The following ENOPH1 variants were observed in gnomAD, a reference collection of about 807,000 sequenced individuals.
ENOPH1 encodes the protein enolase-phosphatase E1.
ENOPH1 carries 14 observed loss-of-function variants against 31.1 expected under a neutral mutation model. That is an observed-to-expected ratio of 0.45 (90% CI 0.30 to 0.70). The LOEUF (loss-of-function observed/expected upper bound fraction) is 0.70, where lower values mean the gene tolerates loss of function less well. Among genes scored for constraint, ENOPH1 ranks in the 30% least tolerant of loss-of-function variants. The pLI is 0.09. For synonymous variants in ENOPH1, 127 were observed against 123.2 expected, an observed-to-expected ratio of 1.03 and a Z score of -0.21; for missense variants, 243 against 321.5, an observed-to-expected ratio of 0.76 and a Z score of 1.87.
At chr4:82,443,944 C>T (rs1722109178) in intron 1 of ENOPH1, among the ~76,000 whole-genome samples, 1 of 152,002 alleles carries the variant, frequency 6.6e-6, no homozygotes, top group Admixed American at 6.6e-5. Context: ...GGTGTGATCT[C>T]AGCTCACTAC....
At position 82,451,062 on chromosome 4, in the gene ENOPH1, TG is replaced by T; in HGVS notation, c.208del (p.Asp70MetfsTer20). 2 of 1,614,036 alleles carry T rather than the reference TG, an allele frequency of 1.2e-6. No homozygotes were observed. The highest frequency in any genetic ancestry group is 1.7e-6 in the Non-Finnish European group (2 of 1,179,950). On this transcript the variant is annotated frameshift_variant, in exon 3 of 6. Transcript: ENST00000273920. LOFTEE classifies it high-confidence loss of function. Reference protein sequence around the residue: ...LRKQAEEDAHLDGAVPIPAAS... With the variant: ...LRKQAEEDAHXDGAVPIPAAS... ...TTAAAGGCTGAAGAGGACGCCCACC[TG>T]GATGGGGCTGTTCCTATCCCTGCAG...
chr4:82,452,960 G>A (rs556537512), intron 3 of ENOPH1, among the ~76,000 whole-genome samples: 45 of 144,988 alleles, frequency 3.1e-4, no homozygotes, highest in Non-Finnish European at 5.7e-4. Context: ...GGAGTGCAGT[G>A]GCGTGATCTC....
intron 1 of ENOPH1, among the ~76,000 whole-genome samples, chr4:82,431,998 C>T (rs906716745): frequency 1.2e-4 from 18 of 151,710 alleles, no homozygotes; most frequent in African/African-American, 4.4e-4. Flanking sequence ...TCACTGCAGC[C>T]TCTACCTCCT....
At chr4:82,448,078 A>G in intron 2 of ENOPH1, 57 bp downstream of exon 2, 1 of 1,211,770 alleles carries the variant, frequency 8.3e-7, no homozygotes, top group Non-Finnish European at 1.2e-6. Context: ...GTACCTGGAG[A>G]TTTAGGACAT....
intron 1 of ENOPH1, among the ~76,000 whole-genome samples, chr4:82,431,381 G>A (rs2110034292): frequency 6.6e-6 from 1 of 152,356 alleles, no homozygotes; most frequent in Admixed American, 6.5e-5. Flanking sequence ...AGGTGGCCCT[G>A]GTGTCGGGCA....
chr4:82,443,148 T>TATGTGGGG (rs1722084935), intron 1 of ENOPH1, among the ~76,000 whole-genome samples: 1 of 152,070 alleles, frequency 6.6e-6, no homozygotes, highest in Non-Finnish European at 1.5e-5. Flanking sequence ...AACATAAATT[T>TATGTGGGG]ATGTGGGGCC....
At chr4:82,452,722 G>A (rs531547064) in intron 3 of ENOPH1, among the ~76,000 whole-genome samples, 5 of 152,144 alleles carry the variant, frequency 3.3e-5, no homozygotes, top group Admixed American at 2.0e-4. Context: ...AAACAGCGGG[G>A]ACTACAGGTG....
In ENOPH1 at chr4:82,452,566, T is replaced by C. The variant is rs1208565641; in HGVS notation, c.389+1321T>C. 2.0e-5 allele frequency among the ~76,000 whole-genome samples: 3 copies of C among 152,112 alleles called. No individual in the cohort carries two copies. The East Asian group carries it at 5.8e-4, about 29-fold the overall frequency. ...TCTCAGCCTCCCAAACTGCTAGGATTACAGGTATGAGCCACCCCTCCCGGC... is the reference window on the plus strand; with the variant it reads ...TCTCAGCCTCCCAAACTGCTAGGATCACAGGTATGAGCCACCCCTCCCGGC... On this transcript the variant is annotated intron_variant, in intron 3 of 5. Transcript: ENST00000273920.
chr4:82,454,820 T>A lies in ENOPH1; in HGVS notation c.488T>A (p.Leu163Ter), dbSNP rs1355419081. The change falls in exon 4 of 6, where the codon TTA (leucine) becomes TAA (stop). Residue 163 changes from leucine (L) to a stop codon, truncating the protein, a stop_gained. Coordinates refer to ENST00000273920, the MANE Select transcript of ENOPH1 (RefSeq NM_021204.5). LOFTEE classifies it high-confidence loss of function. ...SSGSVEAQKL[L>*]FGHSTEGDIL... ...GGGAGTGTGGAGGCACAGAAACTGT[T>A]ATTCGGGCATTCTACGGAGGGAGAT... The A allele has an allele frequency of 6.2e-7, 1 of 1,613,658 alleles. No individual in the cohort carries two copies. Among genetic ancestry groups the A allele is most frequent in the East Asian group, 2.2e-5 (1 of 44,872 alleles).
chr4:82,438,527 C>T (rs1046487352), intron 1 of ENOPH1, among the ~76,000 whole-genome samples: 5 of 152,144 alleles, frequency 3.3e-5, no homozygotes, highest in Admixed American at 6.5e-5. Context: ...GTGATGTGCA[C>T]CTGTAATCCC....
At position 82,454,812 on chromosome 4, in the gene ENOPH1, G is replaced by T. The variant is rs952865336; in HGVS notation, c.480G>T (p.Gln160His). The change falls in exon 4 of 6, where the codon CAG becomes CAT. Residue 160 changes from glutamine to histidine, a missense_variant. Gln to His is a conservative substitution (Grantham distance 24). Transcript: ENST00000273920. ...YIYSSGSVEA[Q>H]KLLFGHSTEG... ...ATTCCTCAGGGAGTGTGGAGGCACA[G>T]AAACTGTTATTCGGGCATTCTACGG... The T allele has an allele frequency of 6.2e-7, 1 of 1,613,824 alleles. No homozygotes were observed. Among genetic ancestry groups the T allele is most frequent in the Non-Finnish European group, 8.5e-7 (1 of 1,179,994 alleles).
At chr4:82,440,801 C>G (rs534190925) in intron 1 of ENOPH1, among the ~76,000 whole-genome samples, 2 of 152,314 alleles carry the variant, frequency 1.3e-5, no homozygotes, top group South Asian at 4.1e-4. Flanking sequence ...TTTGTCTTAT[C>G]AGCACCACAT....
At position 82,446,722 on chromosome 4, in the gene ENOPH1, C is replaced by T. The variant is rs370464470; in HGVS notation, c.85-1198C>T. 8.0e-3 allele frequency among the ~76,000 whole-genome samples: 716 copies of T among 89,090 alleles called. 4 individuals carry two copies. The highest frequency in any genetic ancestry group is 0.051 in the Middle Eastern group (4 of 78). The allele number at this position is 89,090 out of a possible 152,430, so 58.4% of individuals were successfully genotyped here. On this transcript the variant is annotated intron_variant, in intron 1 of 5. Coordinates refer to ENST00000273920, the MANE Select transcript of ENOPH1 (RefSeq NM_021204.5). Reference sequence around the variant, plus strand: ...TTTTTTTTTTTTTTTTTTTTTGAGACGGAGTCTCGCTCTGTCGCCCAGGCC... The same window carrying T: ...TTTTTTTTTTTTTTTTTTTTTGAGATGGAGTCTCGCTCTGTCGCCCAGGCC...
chr4:82,452,110 G>A lies in ENOPH1; in HGVS notation c.389+865G>A, dbSNP rs1722366955. Among the ~76,000 whole-genome samples, 4 of 150,868 alleles carry A rather than the reference G, an allele frequency of 2.7e-5. No individual in the cohort carries two copies. The South Asian group carries it at 8.4e-4, about 32-fold the overall frequency. On this transcript the variant is annotated intron_variant, in intron 3 of 5. Transcript: ENST00000273920. ...TTTTTTTTTTTAGAGCTGGGGTCTT[G>A]CTCTGTGATCCACACTGGAGTGCAG...
chr4:82,455,817 C>G (rs116607000), intron 4 of ENOPH1, among the ~76,000 whole-genome samples: 2 of 151,948 alleles, frequency 1.3e-5, no homozygotes, highest in Admixed American at 6.6e-5. Flanking sequence ...TTTTAACTTA[C>G]AATAGGTAAC....
intron 1 of ENOPH1, among the ~76,000 whole-genome samples, chr4:82,437,761 T>C (rs184438173): frequency 6.6e-6 from 1 of 152,304 alleles, no homozygotes; most frequent in African/African-American, 2.4e-5. Flanking sequence ...GGAAGGCTCC[T>C]CAAGGGCAGA....
chr4:82,431,525 C>G (rs1044904935), intron 1 of ENOPH1, among the ~76,000 whole-genome samples: 1 of 152,196 alleles, frequency 6.6e-6, no homozygotes, highest in Non-Finnish European at 1.5e-5. Context: ...AGATTCCGTT[C>G]ACTTTCCTCA....
Position 82,456,909 on chromosome 4 carries a change from G to C in ENOPH1, c.523-6G>C. The C allele has an allele frequency of 6.2e-7, 1 of 1,613,526 alleles. No individual in the cohort carries two copies. The highest frequency in any genetic ancestry group is 8.5e-7 in the Non-Finnish European group (1 of 1,179,764). On this transcript the variant is annotated splice_region_variant and splice_polypyrimidine_tract_variant and intron_variant, in intron 4 of 5. Transcript: ENST00000273920. ...ATTGCCAGTCTTTCCCCTTCTCTTT[G>C]TTCAGCTTGTTGATGGTCACTTTGA... is the stretch of plus-strand genomic sequence containing the variant.
In ENOPH1 at chr4:82,454,658, T is replaced by C; in HGVS notation, c.390-64T>C. 7.1e-6 allele frequency: 11 copies of C among 1,551,000 alleles called. No homozygotes were observed. In the South Asian group the frequency reaches 1.2e-4, roughly 17 times the overall value. ...AGAGAGAAACATATGGCATCTGTTTTGACAGGTTTTTATCTGGCTAGATGA... is the reference window on the plus strand; with the variant it reads ...AGAGAGAAACATATGGCATCTGTTTCGACAGGTTTTTATCTGGCTAGATGA... On this transcript the variant is annotated intron_variant, in intron 3 of 5. Coordinates refer to ENST00000273920, the MANE Select transcript of ENOPH1 (RefSeq NM_021204.5).
Sources: gnomAD v4.1 joint callset for allele counts (sites outside exome capture counted in the v4.1 genomes callset) on GRCh38, gnomAD v4.1.1 for gene constraint, MANE v1.5 for transcripts, NCBI Gene and HGNC (gene_info 2026-07-23, HGNC 2026-07-21) for gene names.